IL7: variants seen among roughly 807,000 people sequenced by gnomAD.
IL7 encodes interleukin 7.
A neutral mutation model predicts 21.6 loss-of-function variants in IL7; 3 were observed. The ratio of observed to expected loss-of-function variants is 0.14; its 90% CI spans 0.06 to 0.36. IL7 has a LOEUF of 0.36. IL7 is among the 10% of genes least tolerant of loss of function. The pLI is 1.00. For synonymous variants in IL7, 62 were observed against 68.1 expected (o/e 0.91, Z 0.44); for missense variants, 175 against 200.2 (o/e 0.87, Z 0.76).
chr8:78,751,697 A>T (rs768033357), intron 2 of IL7, among the ~76,000 whole-genome samples: 7 of 152,226 alleles, frequency 4.6e-5, no homozygotes, highest in Non-Finnish European at 8.8e-5. Context: ...TGTGATATAC[A>T]ATGTGTAATG....
chr8:78,684,892 A>T (rs1809914272), intron 4 of IL7, among the ~76,000 whole-genome samples: 1 of 152,328 alleles, frequency 6.6e-6, no homozygotes, highest in African/African-American at 2.4e-5. Flanking sequence ...ATATTCTTGT[A>T]TAGGTAGACT....
chr8:78,685,250 TA>T (rs1809930258), intron 4 of IL7, among the ~76,000 whole-genome samples: 1 of 77,174 alleles, frequency 1.3e-5, no homozygotes, highest in South Asian at 5.3e-4. Context: ...GACAACTGCA[TA>T]GCCATGTTAA....
intron 2 of IL7, among the ~76,000 whole-genome samples, chr8:78,757,951 T>G (rs535997767): frequency 1.1e-4 from 16 of 152,176 alleles, no homozygotes; most frequent in African/African-American, 3.9e-4. Flanking sequence ...GTTTTATAAA[T>G]GAGAATTTCC....
intron 1 of IL7, among the ~76,000 whole-genome samples, chr8:78,802,679 C>A (rs1345212465): frequency 1.3e-5 from 2 of 152,066 alleles, no homozygotes; most frequent in African/African-American, 2.4e-5. Context: ...GTGATCTGCC[C>A]ACCTCAGCCT....
At chr8:78,804,096 T>C (rs1217497305) in intron 1 of IL7, among the ~76,000 whole-genome samples, 1 of 152,104 alleles carries the variant, frequency 6.6e-6, no homozygotes, top group Non-Finnish European at 1.5e-5. Flanking sequence ...TTTTGGCTCT[T>C]TCATTGGTCA....
intron 1 of IL7, among the ~76,000 whole-genome samples, chr8:78,802,823 T>A (rs149147102): frequency 2.0e-5 from 3 of 152,190 alleles, no homozygotes; most frequent in Non-Finnish European, 2.9e-5. Flanking sequence ...GGCACTGAAC[T>A]ACATTGCTTC....
At chr8:78,780,023 T>C (rs1346675706) in intron 2 of IL7, among the ~76,000 whole-genome samples, 1 of 152,210 alleles carries the variant, frequency 6.6e-6, no homozygotes, top group African/African-American at 2.4e-5. Flanking sequence ...TTTATTTGCA[T>C]AGAGGTGTTT....
At chr8:78,695,514 G>A (rs28666387) in intron 3 of IL7, among the ~76,000 whole-genome samples, 8,006 of 152,010 alleles carry the variant, frequency 0.053, 300 homozygotes, top group Non-Finnish European at 0.077. Flanking sequence ...AGTTTGAGTG[G>A]GTCAGCAGTC....
intron 3 of IL7, among the ~76,000 whole-genome samples, chr8:78,689,016 A>C (rs2130501009): frequency 6.8e-6 from 1 of 148,024 alleles, no homozygotes; most frequent in South Asian, 2.2e-4. Flanking sequence ...AGAAAATTGG[A>C]AGTCATGTAC....
At chr8:78,774,828 T>C (rs1402646370) in intron 2 of IL7, among the ~76,000 whole-genome samples, 1 of 152,158 alleles carries the variant, frequency 6.6e-6, no homozygotes, top group Non-Finnish European at 1.5e-5. Flanking sequence ...AGTGCTTTTT[T>C]ATGCAAAAGA....
chr8:78,744,392 T>C (rs901816340), intron 2 of IL7, among the ~76,000 whole-genome samples: 1 of 152,130 alleles, frequency 6.6e-6, no homozygotes, highest in Non-Finnish European at 1.5e-5. Flanking sequence ...TGTGCTGTGT[T>C]GGGGGATCCC....
chr8:78,760,163 G>A (rs41308473), intron 2 of IL7: 19,844 of 1,515,286 alleles, frequency 0.013, 172 homozygotes, highest in South Asian at 0.028. Context: ...CCACAGTTTC[G>A]GAATTATCTG....
chr8:78,775,729 G>T (rs766971773), intron 2 of IL7, among the ~76,000 whole-genome samples: 2 of 151,906 alleles, frequency 1.3e-5, no homozygotes, highest in Non-Finnish European at 2.9e-5. Flanking sequence ...GAGTACATTG[G>T]ACTAGGGCAG....
At chr8:78,700,216 A>G (rs1810555734) in intron 3 of IL7, among the ~76,000 whole-genome samples, 1 of 152,174 alleles carries the variant, frequency 6.6e-6, no homozygotes, top group Admixed American at 6.5e-5. Flanking sequence ...TCTAATGATC[A>G]GTGATGTTGA....
At chr8:78,759,930 T>C (rs1812491079) in intron 2 of IL7, among the ~76,000 whole-genome samples, 1 of 152,162 alleles carries the variant, frequency 6.6e-6, no homozygotes, top group African/African-American at 2.4e-5. Flanking sequence ...AAAGGAAACA[T>C]GGAACTTTCA....
At chr8:78,727,925 C>T (rs1422081579), downstream of IL7, among the ~76,000 whole-genome samples, 6 of 151,844 alleles carry the variant, frequency 4.0e-5, no homozygotes, top group African/African-American at 1.5e-4. Context: ...AATCCTATAT[C>T]CATAGGATAT....
chr8:78,742,255 C>T (rs895635105), intron 2 of IL7, among the ~76,000 whole-genome samples: 55 of 152,002 alleles, frequency 3.6e-4, no homozygotes, highest in African/African-American at 1.2e-3. Context: ...ACCTGGGAGG[C>T]GGAGCTTGCA....
chr8:78,678,769 A>T (rs1809667836), intron 4 of IL7: 3 of 787,926 alleles, frequency 3.8e-6, no homozygotes, highest in Non-Finnish European at 5.8e-6. Flanking sequence ...GTTAAGAATA[A>T]ACACAATTAT....
intron 3 of IL7, among the ~76,000 whole-genome samples, chr8:78,710,783 CATTT>C (rs766176743): frequency 3.1e-4 from 47 of 151,982 alleles, no homozygotes; most frequent in Non-Finnish European, 6.2e-4. Flanking sequence ...TTACTTAATA[CATTT>C]ATTTAATGAA....
Sources: gnomAD v4.1 joint callset for allele counts (sites outside exome capture counted in the v4.1 genomes callset) on GRCh38, gnomAD v4.1.1 for gene constraint, MANE v1.5 for transcripts, NCBI Gene and HGNC (gene_info 2026-07-23, HGNC 2026-07-21) for gene names.